Variants in CELSR1 observed in about 807,000 individuals in gnomAD.
CELSR1 encodes the protein adhesion G protein-coupled receptor C1.
A neutral mutation model predicts 249.1 loss-of-function variants in CELSR1; 110 were observed. The observed-to-expected ratio is 0.44, with a 90% CI of 0.38 to 0.52. The LOEUF (loss-of-function observed/expected upper bound fraction) is 0.52. CELSR1 is among the 20% of genes least tolerant of loss of function. CELSR1 has a pLI of 0.00. For missense variants in CELSR1, 4,109 were observed against 4,296.4 expected (o/e 0.96, Z 1.22); for synonymous variants, 2,113 against 1,900.0 (o/e 1.11, Z -2.92).
rs2080457777 is a variant in CELSR1 at position 46,500,739 on chromosome 22, C to A, written c.3544+32888G>T. ...TGGGTGACCTGGGAGCCTTTGACTG[C>A]AGTTTCAGAATGAAGCTCACCACCG... On this transcript the variant is annotated intron_variant, in intron 1 of 34. Coordinates refer to ENST00000674500, the MANE Select transcript of CELSR1 (RefSeq NM_001378328.1). This position sits in a 1 kb window ranked among gnomAD's most constrained non-coding sequence, Gnocchi z 4.9. Among the ~76,000 whole-genome samples the A allele has an allele frequency of 6.6e-6, 1 of 152,128 alleles. No homozygotes were observed. Among genetic ancestry groups the A allele is most frequent in the Non-Finnish European group, 1.5e-5 (1 of 68,022 alleles).
At position 46,410,002 on chromosome 22, in the gene CELSR1, G is replaced by A; in HGVS notation, c.4934-122C>T. ...CGGGGCTGGACAGAAGTCAGACCAG[G>A]TCTGAACGCCCCTGGCAACGGCAGG... On this transcript the variant is annotated intron_variant, in intron 7 of 34. Transcript: ENST00000674500. This position sits in a 1 kb window ranked among gnomAD's most constrained non-coding sequence, Gnocchi z 6.8. 1 of 1,291,150 alleles carries A rather than the reference G, an allele frequency of 7.7e-7. No individual in the cohort carries two copies. The highest frequency in any genetic ancestry group is 1.3e-5 in the South Asian group (1 of 76,314). The allele number at this position is 1,291,150 out of a possible 1,614,324, so 80.0% of individuals were successfully genotyped here.
chr22:46,515,571 G>C (rs370632674), intron 1 of CELSR1, among the ~76,000 whole-genome samples: 1 of 152,160 alleles, frequency 6.6e-6, no homozygotes, highest in Admixed American at 6.5e-5. Context: ...AGGGCACCCC[G>C]GGGGCTGGAG....
Position 46,393,433 on chromosome 22 carries a change from A to G in CELSR1, c.5964+709T>C, listed in dbSNP as rs2079114940. 6.6e-6 allele frequency among the ~76,000 whole-genome samples: 1 copy of G among 152,224 alleles called. No homozygotes were observed. Reference sequence around the variant, plus strand: ...AAAACTGCTGTCATCATGGGACACCAGCTTGGTAAAGACCAGGAAAATGGC... The same window carrying G: ...AAAACTGCTGTCATCATGGGACACCGGCTTGGTAAAGACCAGGAAAATGGC... On this transcript the variant is annotated intron_variant, in intron 14 of 34. Transcript: ENST00000674500. This position sits in a 1 kb window ranked among gnomAD's most constrained non-coding sequence, Gnocchi z 4.1.
intron 4 of CELSR1, among the ~76,000 whole-genome samples, chr22:46,435,656 C>T (rs1024358737): frequency 3.3e-5 from 5 of 152,124 alleles, no homozygotes; most frequent in African/African-American, 1.2e-4. Flanking sequence ...TGAACCAGAT[C>T]GTCCACATTT....
At chr22:46,388,761 G>A (rs903704022) in intron 18 of CELSR1, among the ~76,000 whole-genome samples, 2 of 143,438 alleles carry the variant, frequency 1.4e-5, no homozygotes, top group Non-Finnish European at 2.9e-5. Flanking sequence ...TACTGCTCAG[G>A]GGATGACAAC....
rs1041065909 is a variant in CELSR1 at position 46,374,284 on chromosome 22, G to A, written c.7585-1227C>T. ...GCTGGATGGCTGCTTCAAGTAATGCGAAAAGTAAACCCACGAAACCACCTT... is the reference window on the plus strand; with the variant it reads ...GCTGGATGGCTGCTTCAAGTAATGCAAAAAGTAAACCCACGAAACCACCTT... On this transcript the variant is annotated intron_variant, in intron 24 of 34. Transcript: ENST00000674500. This position sits in a 1 kb window ranked among gnomAD's most constrained non-coding sequence, Gnocchi z 4.3. Among the ~76,000 whole-genome samples, 11 of 152,200 alleles carry A rather than the reference G, an allele frequency of 7.2e-5. No homozygotes were observed. The highest frequency in any genetic ancestry group is 2.7e-4 in the African/African-American group (11 of 41,444).
At chr22:46,438,837 C>T (rs2079700066) in intron 3 of CELSR1, among the ~76,000 whole-genome samples, 1 of 152,190 alleles carries the variant, frequency 6.6e-6, no homozygotes, top group African/African-American at 2.4e-5. Context: ...CAGCTCACTG[C>T]AACCTCCACC....
chr22:46,435,617 A>G (rs935908384), intron 4 of CELSR1, among the ~76,000 whole-genome samples: 2 of 152,116 alleles, frequency 1.3e-5, no homozygotes, highest in East Asian at 1.9e-4. Flanking sequence ...ATGTACCACA[A>G]TTTAATGATT....
chr22:46,361,442 CAG>C lies in CELSR1; in HGVS notation c.*1779_*1780del, dbSNP rs146275546. 0.02 allele frequency: 3,039 copies of C among 152,456 alleles called. 99 individuals are homozygous for C. The highest frequency in any genetic ancestry group is 0.067 in the African/African-American group (2,773 of 41,526). 9.4% of individuals were successfully genotyped at this position (152,456 alleles called of 1,614,324 possible). The stretch of plus-strand genomic sequence containing the variant: ...AAAATAGAACAAAAAAATTACACCT[CAG>C]GGGGCAGAATCCTGTTAAAGTCATG... On this transcript the variant is annotated 3_prime_UTR_variant, in exon 35 of 35. Coordinates refer to ENST00000674500, the MANE Select transcript of CELSR1 (RefSeq NM_001378328.1).
rs2078728543 is a variant in CELSR1 at position 46,363,469 on chromosome 22, G to C, written c.9036-222C>G. 1.9e-6 allele frequency: 1 copy of C among 514,356 alleles called. No homozygotes were observed. Among genetic ancestry groups the C allele is most frequent in the East Asian group, 3.3e-5 (1 of 30,052 alleles). The allele number at this position is 514,356 out of a possible 1,614,324, so 31.9% of individuals were successfully genotyped here. On this transcript the variant is annotated intron_variant, in intron 34 of 34. Transcript: ENST00000674500. The surrounding 1 kb of genome is among the most constrained non-coding windows in gnomAD (Gnocchi z 4.3). ...GGGCCTCTGTGTTGCTGGTCTTTCA[G>C]AAGAGCGCAAGGAATCCACGTTAGA... is the stretch of plus-strand genomic sequence containing the variant.
intron 1 of CELSR1, among the ~76,000 whole-genome samples, chr22:46,514,383 C>T (rs567528800): frequency 5.9e-5 from 9 of 152,302 alleles, no homozygotes; most frequent in South Asian, 2.1e-4. Flanking sequence ...TCCACCCAGA[C>T]GTTTCACCAG....
chr22:46,428,078 G>A lies in CELSR1; in HGVS notation c.4611+5315C>T, dbSNP rs759328964. ...ATCCCTAATGACAGCAGGACCTAGC[G>A]GTCATCTCAAGGTCATGGAAATCTC... On this transcript the variant is annotated intron_variant, in intron 5 of 34. Transcript: ENST00000674500. The surrounding 1 kb of genome is among the most constrained non-coding windows in gnomAD (Gnocchi z 5.7). Among the ~76,000 whole-genome samples the A allele has an allele frequency of 2.0e-5, 3 of 152,264 alleles. No homozygotes were observed. Among genetic ancestry groups the A allele is most frequent in the East Asian group, 1.9e-4 (1 of 5,170 alleles).
intron 1 of CELSR1, among the ~76,000 whole-genome samples, chr22:46,501,230 A>G (rs868360070): frequency 2.6e-4 from 32 of 125,352 alleles, no homozygotes; most frequent in African/African-American, 9.1e-4. Context: ...TTTTTGAGAC[A>G]GAGTCTCGCT....
chr22:46,416,843 G>A (rs547416758), intron 5 of CELSR1, among the ~76,000 whole-genome samples: 4 of 152,068 alleles, frequency 2.6e-5, no homozygotes, highest in Non-Finnish European at 5.9e-5. Context: ...TTCTGTGTGC[G>A]CACAAAAGCA....
chr22:46,451,679 C>T (rs1013752101), intron 2 of CELSR1, among the ~76,000 whole-genome samples: 2 of 152,268 alleles, frequency 1.3e-5, no homozygotes, highest in South Asian at 2.1e-4. Context: ...ACAACACCGA[C>T]GATGGAGGAG....
chr22:46,533,942 T>C lies in CELSR1; in HGVS notation c.3229A>G (p.Thr1077Ala). ...GCTCGGCTCACCAGCGGAGCCGACGTGGCCTGCACCACCAGCACATACTCC... is the reference window on the plus strand; with the variant it reads ...GCTCGGCTCACCAGCGGAGCCGACGCGGCCTGCACCACCAGCACATACTCC... ...RREYVLVVQATSAPLVSRATV... is the reference protein window; with the variant it reads ...RREYVLVVQAASAPLVSRATV... Residue 1077 changes from threonine (T) to alanine (A), a missense_variant, in exon 1 of 35, where the codon ACG becomes GCG. Thr to Ala is a moderately conservative substitution (Grantham distance 58). Transcript: ENST00000674500. 6.2e-7 allele frequency: 1 copy of C among 1,613,272 alleles called. No homozygotes were observed. The highest frequency in any genetic ancestry group is 8.5e-7 in the Non-Finnish European group (1 of 1,180,018).
chr22:46,403,497 C>T (rs2079229931), intron 9 of CELSR1, among the ~76,000 whole-genome samples: 1 of 151,846 alleles, frequency 6.6e-6, no homozygotes, highest in African/African-American at 2.4e-5. Context: ...GTGGAGCTTG[C>T]AGTGAGACGA....
At chr22:46,479,563 T>G (rs1421334773) in intron 1 of CELSR1, among the ~76,000 whole-genome samples, 1 of 143,180 alleles carries the variant, frequency 7.0e-6, no homozygotes, top group Non-Finnish European at 1.5e-5. Flanking sequence ...GATGCTGGGT[T>G]CCAGGGGCCA....
intron 4 of CELSR1, among the ~76,000 whole-genome samples, chr22:46,435,870 T>G (rs561864074): frequency 6.6e-6 from 1 of 152,096 alleles, no homozygotes; most frequent in East Asian, 1.9e-4. Context: ...CCAGCTAATT[T>G]TTGTACTTTT....
Sources: gnomAD v4.1 joint callset for allele counts (sites outside exome capture counted in the v4.1 genomes callset) on GRCh38, gnomAD v4.1.1 for gene constraint, Gnocchi (gnomAD v3.1) non-coding constraint, MANE v1.5 for transcripts, NCBI Gene and HGNC (gene_info 2026-07-23, HGNC 2026-07-21) for gene names.